The following ZFHX3 variants were observed in gnomAD, a reference collection of about 807,000 sequenced individuals.
The protein encoded by ZFHX3 is zinc finger homeobox 3.
A neutral mutation model predicts 279.1 loss-of-function variants in ZFHX3; 42 were observed. The observed-to-expected ratio is 0.15, with a 90% confidence interval of 0.12 to 0.19. ZFHX3 has a LOEUF of 0.19. ZFHX3 is among the 10% of genes least tolerant of loss of function. The pLI is 1.00. For synonymous variants in ZFHX3, 2,293 were observed against 1,957.8 expected (o/e 1.17, Z -4.52); for missense variants, 4,981 against 4,754.0 (o/e 1.05, Z -1.40).
chr16:72,928,193 G>GAGCGA (rs1959585172), intron 3 of ZFHX3, among the ~76,000 whole-genome samples: 11 of 45,008 alleles, frequency 2.4e-4, no homozygotes, highest in African/African-American at 4.1e-4. Context: ...GAGGGAGGGG[G>GAGCGA]AGGGGAGCGA....
At chr16:73,422,919 G>A (rs1018037365) in intron 3 of ZFHX3, among the ~76,000 whole-genome samples, 1 of 152,120 alleles carries the variant, frequency 6.6e-6, no homozygotes, top group Non-Finnish European at 1.5e-5. Context: ...GTTCTGGGAG[G>A]GTAGACATCT....
intron 2 of ZFHX3, among the ~76,000 whole-genome samples, chr16:73,502,646 G>C (rs549652908): frequency 1.3e-5 from 2 of 152,190 alleles, no homozygotes; most frequent in Non-Finnish European, 2.9e-5. Context: ...GAGATCAGTG[G>C]ATCTCTCGGA....
chr16:72,871,021 G>A (rs187411083), intron 4 of ZFHX3, among the ~76,000 whole-genome samples: 15 of 152,020 alleles, frequency 9.9e-5, no homozygotes, highest in South Asian at 4.1e-4. Flanking sequence ...TTTATTCTCC[G>A]TCTTTATGGA....
chr16:73,494,733 T>C (rs911950214), intron 2 of ZFHX3, among the ~76,000 whole-genome samples: 5 of 151,978 alleles, frequency 3.3e-5, no homozygotes, highest in Non-Finnish European at 5.9e-5. Context: ...CTAATTTTTT[T>C]TTTTTTTTAT....
intron 1 of ZFHX3, among the ~76,000 whole-genome samples, chr16:72,984,084 G>A (rs142275782): frequency 4.6e-5 from 7 of 152,100 alleles, no homozygotes; most frequent in Non-Finnish European, 1.0e-4. Context: ...ACCTGCTCAC[G>A]CTCCTTCAAG....
intron 2 of ZFHX3, among the ~76,000 whole-genome samples, chr16:73,494,053 C>T (rs1182577283): frequency 6.6e-6 from 1 of 152,118 alleles, no homozygotes; most frequent in Non-Finnish European, 1.5e-5. Context: ...TGCCTTCCTC[C>T]CCGGTCTCCC....
chr16:73,800,007 G>A (rs1366345404), intron 1 of ZFHX3, among the ~76,000 whole-genome samples: 3 of 151,876 alleles, frequency 2.0e-5, no homozygotes, highest in Non-Finnish European at 2.9e-5. Context: ...GCAAGACCCT[G>A]TCTCTACAAA....
At chr16:73,093,632 ACTCGGCCTCT>A (rs767788117) in intron 7 of ZFHX3, 1 of 492,322 alleles carries the variant, frequency 2.0e-6, no homozygotes, top group Non-Finnish European at 4.1e-6. Flanking sequence ...GGATGAGTGA[ACTCGGCCTCT>A]CCCCACAGAA....
intron 2 of ZFHX3, among the ~76,000 whole-genome samples, chr16:73,598,124 A>G (rs1043997708): frequency 2.6e-5 from 4 of 152,178 alleles, no homozygotes; most frequent in African/African-American, 7.2e-5. Flanking sequence ...CTTGGATTCC[A>G]GTGCAGTTCA....
At chr16:73,845,220 A>G (rs975743452) in intron 1 of ZFHX3, among the ~76,000 whole-genome samples, 1 of 152,186 alleles carries the variant, frequency 6.6e-6, no homozygotes, top group African/African-American at 2.4e-5. Flanking sequence ...ACCAGGAAAA[A>G]CAAAGATTCA....
At chr16:73,727,089 G>C (rs2053525235) in intron 1 of ZFHX3, among the ~76,000 whole-genome samples, 2 of 152,216 alleles carry the variant, frequency 1.3e-5, no homozygotes, top group African/African-American at 4.8e-5. Flanking sequence ...GGCCTCCACA[G>C]GGGTGGATGT....
chr16:72,897,129 G>A (rs1171669626), intron 3 of ZFHX3, among the ~76,000 whole-genome samples: 1 of 152,216 alleles, frequency 6.6e-6, no homozygotes, highest in Non-Finnish European at 1.5e-5. Context: ...AGGCAGGCAG[G>A]AGAGCCTGTC....
intron 2 of ZFHX3, among the ~76,000 whole-genome samples, chr16:73,645,002 T>A (rs2052605671): frequency 6.6e-6 from 1 of 152,196 alleles, no homozygotes; most frequent in Non-Finnish European, 1.5e-5. Context: ...AATACCTGAT[T>A]CACTGGCATG....
chr16:73,846,794 A>C (rs745701692), intron 1 of ZFHX3, among the ~76,000 whole-genome samples: 3 of 152,194 alleles, frequency 2.0e-5, no homozygotes, highest in Non-Finnish European at 2.9e-5. Context: ...CACATTAATA[A>C]AAATAACAGA....
chr16:72,819,328 C>T (rs1311632211), intron 5 of ZFHX3, among the ~76,000 whole-genome samples: 2 of 151,806 alleles, frequency 1.3e-5, no homozygotes, highest in East Asian at 1.9e-4. Flanking sequence ...CCTCCCTAAC[C>T]CAGCAAGGGC....
chr16:73,731,457 A>G (rs2053568971), intron 1 of ZFHX3, among the ~76,000 whole-genome samples: 1 of 150,076 alleles, frequency 6.7e-6, no homozygotes, highest in Non-Finnish European at 1.5e-5. Flanking sequence ...GCGCTGACAT[A>G]AAAAGGGTGT....
chr16:73,314,566 C>T (rs1443817290), intron 4 of ZFHX3, among the ~76,000 whole-genome samples: 2 of 152,160 alleles, frequency 1.3e-5, no homozygotes, highest in Non-Finnish European at 2.9e-5. Context: ...TTCTCTGGAG[C>T]TCCTTCCTCT....
At chr16:73,016,434 A>G (rs1017828632) in intron 1 of ZFHX3, among the ~76,000 whole-genome samples, 1 of 152,120 alleles carries the variant, frequency 6.6e-6, no homozygotes, top group Non-Finnish European at 1.5e-5. Flanking sequence ...GTTCTCATTC[A>G]GCCTCCTGCT....
intron 4 of ZFHX3, among the ~76,000 whole-genome samples, chr16:72,873,397 T>C (rs1012211587): frequency 1.3e-5 from 2 of 152,226 alleles, no homozygotes; most frequent in African/African-American, 2.4e-5. Flanking sequence ...AATACAAATT[T>C]GCATTTGCAC....
Sources: gnomAD v4.1 joint callset for allele counts (sites outside exome capture counted in the v4.1 genomes callset) on GRCh38, gnomAD v4.1.1 for gene constraint, MANE v1.5 for transcripts, NCBI Gene and HGNC (gene_info 2026-07-23, HGNC 2026-07-21) for gene names.